The following ANTXR2 variants were observed in gnomAD, a reference collection of about 807,000 sequenced individuals.
ANTXR2 encodes anthrax toxin receptor 2.
A neutral mutation model predicts 73.7 loss-of-function variants in ANTXR2; 44 were observed. The ratio of observed to expected loss-of-function variants is 0.60; its 90% CI spans 0.47 to 0.77. The LOEUF (loss-of-function observed/expected upper bound fraction) is 0.77. ANTXR2 is among the 30% of genes least tolerant of loss of function. ANTXR2 has a pLI of 0.00. For synonymous variants in ANTXR2, 217 were observed against 205.9 expected, an observed-to-expected ratio of 1.05 and a Z score of -0.46; for missense variants, 604 against 592.5, an observed-to-expected ratio of 1.02 and a Z score of -0.20.
chr4:79,925,287 CTTT>C (rs34138950), intron 16 of ANTXR2, among the ~76,000 whole-genome samples: 2 of 143,952 alleles, frequency 1.4e-5, no homozygotes, highest in African/African-American at 2.6e-5. Flanking sequence ...TCACTCTTTC[CTTT>C]TTTTTTTTTT....
At chr4:80,004,898 C>A (rs1560975615) in intron 12 of ANTXR2, among the ~76,000 whole-genome samples, 1 of 151,820 alleles carries the variant, frequency 6.6e-6, no homozygotes, top group Non-Finnish European at 1.5e-5. Context: ...CCATTGGAAA[C>A]CTGACAGCCA....
At chr4:80,054,006 G>T (rs1733874693) in intron 7 of ANTXR2, among the ~76,000 whole-genome samples, 2 of 151,488 alleles carry the variant, frequency 1.3e-5, no homozygotes, top group African/African-American at 4.8e-5. Context: ...GAATCAAAGG[G>T]TGAAAGTGTC....
chr4:79,994,987 A>T (rs1228643624), intron 12 of ANTXR2, among the ~76,000 whole-genome samples: 3 of 151,876 alleles, frequency 2.0e-5, no homozygotes, highest in African/African-American at 7.2e-5. Context: ...CAGCCTGATG[A>T]TCCTGATGCT....
chr4:80,055,065 T>C (rs1298179331), intron 6 of ANTXR2, 85 bp downstream of exon 6: 2 of 1,239,560 alleles, frequency 1.6e-6, no homozygotes, highest in East Asian at 2.6e-5. Context: ...AGTGTCACAA[T>C]GTCATCAGTG....
chr4:79,908,070 T>C (rs1040568892), intron 16 of ANTXR2, among the ~76,000 whole-genome samples: 2 of 152,214 alleles, frequency 1.3e-5, no homozygotes, highest in African/African-American at 4.8e-5. Context: ...CCATTCTAAT[T>C]TCTTAACACT....
At chr4:79,907,579 T>G (rs546448321) in intron 16 of ANTXR2, 112 bp from the exon 17 acceptor site, 1 of 1,190,754 alleles carries the variant, frequency 8.4e-7, no homozygotes, top group African/African-American at 1.5e-5. Flanking sequence ...GAAAGTACCA[T>G]GTTAACTTGA....
intron 10 of ANTXR2, chr4:80,024,667 T>C (rs1399508463): frequency 6.7e-6 from 3 of 450,888 alleles, no homozygotes; most frequent in Non-Finnish European, 1.3e-5. Flanking sequence ...GAGGCTGAAG[T>C]AGGAGGATCA....
chr4:79,935,441 CAA>C (rs1298339586), intron 16 of ANTXR2, among the ~76,000 whole-genome samples: 1 of 151,302 alleles, frequency 6.6e-6, no homozygotes, highest in Non-Finnish European at 1.5e-5. Flanking sequence ...AAATTAGTGA[CAA>C]AGAGTTGGGG....
At chr4:80,040,079 C>T (rs766846543) in intron 7 of ANTXR2, among the ~76,000 whole-genome samples, 1 of 151,560 alleles carries the variant, frequency 6.6e-6, no homozygotes, top group African/African-American at 2.4e-5. Flanking sequence ...TACTCATGGA[C>T]GTAAAGATGG....
At chr4:80,055,546 A>G (rs1733955870) in intron 4 of ANTXR2, 79 bp from the exon 5 acceptor site, 2 of 1,204,352 alleles carry the variant, frequency 1.7e-6, no homozygotes, top group South Asian at 1.3e-5. Context: ...CTGAATTTGT[A>G]AGTCTGACAA....
chr4:79,989,493 A>T (rs898904913), intron 12 of ANTXR2, among the ~76,000 whole-genome samples: 5 of 151,828 alleles, frequency 3.3e-5, no homozygotes, highest in Non-Finnish European at 7.4e-5. Flanking sequence ...GATCAGTAAT[A>T]AAAAAAATCC....
intron 12 of ANTXR2, among the ~76,000 whole-genome samples, chr4:79,997,731 T>C (rs569687486): frequency 6.6e-6 from 1 of 152,100 alleles, no homozygotes; most frequent in Admixed American, 6.6e-5. Context: ...ATAAATATAA[T>C]TTAGAATGCT....
intron 12 of ANTXR2, among the ~76,000 whole-genome samples, chr4:80,002,189 A>AT (rs1162176995): frequency 6.6e-6 from 1 of 152,196 alleles, no homozygotes; most frequent in Non-Finnish European, 1.5e-5. Flanking sequence ...CCAAAACAGC[A>AT]TGGTACTGGT....
intron 13 of ANTXR2, 118 bp downstream of exon 13, chr4:79,984,701 A>G: frequency 1.1e-6 from 1 of 882,910 alleles, no homozygotes; most frequent in Non-Finnish European, 1.8e-6. Context: ...TGTATAAATT[A>G]AAAAGTCAGT....
chr4:79,924,681 T>C (rs1727714908), intron 16 of ANTXR2, among the ~76,000 whole-genome samples: 1 of 152,102 alleles, frequency 6.6e-6, no homozygotes, highest in Admixed American at 6.6e-5. Flanking sequence ...TTTTTAGCAT[T>C]AGGAACATGA....
At chr4:80,066,495 T>C (rs1734501102) in intron 3 of ANTXR2, among the ~76,000 whole-genome samples, 1 of 152,238 alleles carries the variant, frequency 6.6e-6, no homozygotes, top group Admixed American at 6.5e-5. Context: ...AAGTTGCAAG[T>C]AGTGTTATTA....
At chr4:79,907,532 C>G in intron 16 of ANTXR2, 65 bp from the exon 17 acceptor site, 1 of 1,467,414 alleles carries the variant, frequency 6.8e-7, no homozygotes, top group South Asian at 1.2e-5. Flanking sequence ...ATGAGAACAT[C>G]TAGTTTTCCT....
intron 16 of ANTXR2, among the ~76,000 whole-genome samples, chr4:79,974,493 A>G (rs895315468): frequency 5.3e-5 from 8 of 152,136 alleles, no homozygotes; most frequent in Admixed American, 1.3e-4. Context: ...TATTTTATCT[A>G]TATCTCTGAG....
chr4:80,041,257 C>T (rs151014232), intron 7 of ANTXR2, among the ~76,000 whole-genome samples: 12 of 151,966 alleles, frequency 7.9e-5, no homozygotes, highest in African/African-American at 2.7e-4. Flanking sequence ...TTCCACCACC[C>T]TCCAGGTTTG....
Sources: gnomAD v4.1 joint callset for allele counts (sites outside exome capture counted in the v4.1 genomes callset) on GRCh38, gnomAD v4.1.1 for gene constraint, MANE v1.5 for transcripts, NCBI Gene and HGNC (gene_info 2026-07-23, HGNC 2026-07-21) for gene names.